FHIP1A: variants seen among roughly 807,000 people sequenced by gnomAD.
FHIP1A encodes FHF complex subunit HOOK-interacting protein 1A.
FHIP1A carries 61 observed loss-of-function variants against 88.6 expected under a neutral mutation model. That is an observed-to-expected ratio of 0.69 (90% CI 0.56 to 0.85). The LOEUF is 0.85. Ranked by LOEUF, FHIP1A falls within the 40% of genes least tolerant of loss-of-function variation. The probability of loss-of-function intolerance (pLI) is 0.00; values close to 1 mark genes in which losing one functional copy is unlikely to be tolerated. For synonymous variants in FHIP1A, 478 were observed against 496.0 expected (o/e 0.96, Z 0.48); for missense variants, 1,154 against 1,273.5 (o/e 0.91, Z 1.43).
chr4:151,605,668 G>A (rs542455631), intron 7 of FHIP1A, among the ~76,000 whole-genome samples: 62 of 152,290 alleles, frequency 4.1e-4, no homozygotes, highest in African/African-American at 1.3e-3. Flanking sequence ...CATATAAGCC[G>A]CCGTGGAGCC....
In FHIP1A at chr4:151,438,892, C is replaced by T. The variant is rs546624140; in HGVS notation, c.-355-15809C>T. Among the ~76,000 whole-genome samples the T allele has an allele frequency of 3.9e-5, 6 of 152,198 alleles. No homozygotes were observed. In the South Asian group the frequency reaches 1.0e-3, roughly 26 times the overall value. ...CTTCTGTCCTCAAGTGATACTCCCA[C>T]CTCAGCCTCCGGAATTTTGTTTAAA... On this transcript the variant is annotated intron_variant, in intron 1 of 13. Transcript: ENST00000435205.
At chr4:151,550,188 AATAG>A (rs1303459230) in intron 3 of FHIP1A, among the ~76,000 whole-genome samples, 1 of 152,180 alleles carries the variant, frequency 6.6e-6, no homozygotes, top group African/African-American at 2.4e-5. Flanking sequence ...ATAATCACAT[AATAG>A]ATAATGGGGT....
intron 9 of FHIP1A, among the ~76,000 whole-genome samples, chr4:151,645,024 T>C (rs1461196666): frequency 6.6e-6 from 1 of 152,224 alleles, no homozygotes; most frequent in Admixed American, 6.5e-5. Flanking sequence ...TTTTTCCTCA[T>C]TGCTAAAGTC....
At chr4:151,435,050 G>A (rs1041571369) in intron 1 of FHIP1A, among the ~76,000 whole-genome samples, 2 of 152,066 alleles carry the variant, frequency 1.3e-5, no homozygotes, top group Non-Finnish European at 2.9e-5. Flanking sequence ...AATATATAAT[G>A]ATTAAATTGG....
chr4:151,552,931 T>C (rs1372077165), intron 3 of FHIP1A, among the ~76,000 whole-genome samples: 1 of 151,772 alleles, frequency 6.6e-6, no homozygotes, highest in Non-Finnish European at 1.5e-5. Context: ...GTTAAGGAGG[T>C]TTGGTACATA....
chr4:151,437,203 A>T (rs993255701), intron 1 of FHIP1A, among the ~76,000 whole-genome samples: 1 of 152,106 alleles, frequency 6.6e-6, no homozygotes, highest in African/African-American at 2.4e-5. Context: ...ATTGAGTATT[A>T]GTAAGCCATT....
chr4:151,507,529 T>C (rs367844595), intron 3 of FHIP1A, among the ~76,000 whole-genome samples: 2 of 152,236 alleles, frequency 1.3e-5, no homozygotes, highest in East Asian at 3.8e-4. Flanking sequence ...TATTTATTAG[T>C]ATTTGATAGT....
chr4:151,561,385 T>C (rs1169123430), intron 3 of FHIP1A, among the ~76,000 whole-genome samples: 1 of 152,166 alleles, frequency 6.6e-6, no homozygotes, highest in African/African-American at 2.4e-5. Flanking sequence ...CAGTCCAGCA[T>C]TGCCCTGTGA....
chr4:151,588,192 G>C (rs1053974451), intron 6 of FHIP1A, among the ~76,000 whole-genome samples: 2 of 151,988 alleles, frequency 1.3e-5, no homozygotes, highest in African/African-American at 2.4e-5. Context: ...AAAGATATTA[G>C]TAGAGGGTTA....
chr4:151,605,749 A>G (rs191322101), intron 7 of FHIP1A, among the ~76,000 whole-genome samples: 1 of 152,318 alleles, frequency 6.6e-6, no homozygotes, highest in Admixed American at 6.5e-5. Context: ...CAAGCTCAAT[A>G]ATTCATGGCT....
rs2126943103 is a variant in FHIP1A at position 151,667,695 on chromosome 4, T to C, written c.*4941T>C. On this transcript the variant is annotated 3_prime_UTR_variant, in exon 14 of 14. Coordinates refer to ENST00000435205, the MANE Select transcript of FHIP1A (RefSeq NM_001109977.3). ...TCCTAAAACTGATCATGATTTTAGC[T>C]AGGACTGACCTTTCCTAGCTTGTAG... Among the ~76,000 whole-genome samples the C allele has an allele frequency of 6.6e-6, 1 of 152,338 alleles. No individual in the cohort carries two copies. The highest frequency in any genetic ancestry group is 1.5e-5 in the Non-Finnish European group (1 of 68,028).
At chr4:151,506,582 G>A (rs937762666) in intron 3 of FHIP1A, among the ~76,000 whole-genome samples, 36 of 152,098 alleles carry the variant, frequency 2.4e-4, no homozygotes, top group African/African-American at 8.5e-4. Context: ...TGGTAAGAGA[G>A]CAGAAGCAAG....
At chr4:151,583,449 G>C (rs1271374760) in intron 5 of FHIP1A, among the ~76,000 whole-genome samples, 1 of 152,178 alleles carries the variant, frequency 6.6e-6, no homozygotes, top group Non-Finnish European at 1.5e-5. Flanking sequence ...GCAGGCTTCT[G>C]CTCACATCTC....
At chr4:151,632,563 C>T (rs1047044099) in intron 8 of FHIP1A, among the ~76,000 whole-genome samples, 1 of 151,992 alleles carries the variant, frequency 6.6e-6, no homozygotes, top group South Asian at 2.1e-4. Flanking sequence ...GGAACATTCT[C>T]CAGGATAGAC....
intron 3 of FHIP1A, among the ~76,000 whole-genome samples, chr4:151,565,845 T>A (rs908215966): frequency 1.6e-4 from 25 of 152,154 alleles, no homozygotes; most frequent in Admixed American, 1.6e-3. Context: ...GACTTGAGCT[T>A]GAGTGCTTTA....
intron 1 of FHIP1A, among the ~76,000 whole-genome samples, chr4:151,448,506 A>G (rs1473051403): frequency 6.6e-6 from 1 of 152,078 alleles, no homozygotes; most frequent in Non-Finnish European, 1.5e-5. Flanking sequence ...CCACAATTCT[A>G]CTTCTCCATG....
At chr4:151,602,755 A>ACTG (rs1734922596) in intron 7 of FHIP1A, among the ~76,000 whole-genome samples, 1 of 152,178 alleles carries the variant, frequency 6.6e-6, no homozygotes, top group Admixed American at 6.5e-5. Context: ...GTGGTGACAA[A>ACTG]ATAATGCCGC....
chr4:151,655,610 C>T (rs947286181), intron 11 of FHIP1A, among the ~76,000 whole-genome samples: 1 of 152,150 alleles, frequency 6.6e-6, no homozygotes, highest in Non-Finnish European at 1.5e-5. Context: ...AGATTATAAG[C>T]AGGGGCTCCT....
intron 3 of FHIP1A, among the ~76,000 whole-genome samples, chr4:151,517,868 T>A (rs543910974): frequency 6.6e-6 from 1 of 152,286 alleles, no homozygotes; most frequent in East Asian, 1.9e-4. Context: ...AATATTTTTG[T>A]ACAGCTGTAC....
Sources: allele counts gnomAD v4.1 joint callset (sites outside exome capture counted in the v4.1 genomes callset), GRCh38; gene constraint gnomAD v4.1.1; transcripts MANE v1.5; gene names NCBI Gene and HGNC (gene_info 2026-07-23, HGNC 2026-07-21).